The following PDE1C variants were observed in gnomAD, a reference collection of about 807,000 sequenced individuals.
PDE1C encodes phosphodiesterase 1C.
In PDE1C, 62 loss-of-function variants were observed where a neutral mutation model predicts 93.1. The observed-to-expected ratio is 0.67, with a 90% CI of 0.54 to 0.82. PDE1C has a LOEUF of 0.82. Among genes scored for constraint, PDE1C ranks in the 40% least tolerant of loss-of-function variants. The pLI is 0.00. For synonymous variants in PDE1C, 325 were observed against 310.1 expected, an observed-to-expected ratio of 1.05 and a Z score of -0.50; for missense variants, 742 against 884.6, an observed-to-expected ratio of 0.84 and a Z score of 2.04.
intron 7 of PDE1C, among the ~76,000 whole-genome samples, chr7:31,852,611 T>G (rs1199778790): frequency 6.6e-6 from 1 of 152,096 alleles, no homozygotes; most frequent in Non-Finnish European, 1.5e-5. Flanking sequence ...ATAGGTACTG[T>G]TGCTATCCCC....
chr7:31,650,006 A>T, the PDE1C span, among the ~76,000 whole-genome samples: 141 of 152,188 alleles, frequency 9.3e-4, no homozygotes, highest in Middle Eastern at 3.4e-3. Flanking sequence ...AATCACAAAG[A>T]ATTGGTCCAT....
At chr7:32,081,385 C>A (rs981632376) in intron 3 of PDE1C, among the ~76,000 whole-genome samples, 2 of 152,188 alleles carry the variant, frequency 1.3e-5, no homozygotes, top group African/African-American at 4.8e-5. Flanking sequence ...ACTTTCCCTC[C>A]CCTACCTAGG....
intron 1 of PDE1C, among the ~76,000 whole-genome samples, chr7:32,419,584 A>G (rs1382368255): frequency 6.6e-6 from 1 of 152,154 alleles, no homozygotes; most frequent in African/African-American, 2.4e-5. Context: ...GGCTCCTGCT[A>G]CTTCTAGACT....
chr7:31,842,367 T>A (rs529250126), intron 9 of PDE1C, among the ~76,000 whole-genome samples: 1 of 152,136 alleles, frequency 6.6e-6, no homozygotes, highest in African/African-American at 2.4e-5. Context: ...AAGATTGGTA[T>A]TATCTGTTCT....
intron 2 of PDE1C, among the ~76,000 whole-genome samples, chr7:31,901,986 T>G (rs980249254): frequency 6.6e-6 from 1 of 150,668 alleles, no homozygotes; most frequent in Non-Finnish European, 1.5e-5. Flanking sequence ...AAGATTTAAA[T>G]GTAGAAAAGT....
the PDE1C span, among the ~76,000 whole-genome samples, chr7:31,646,001 A>G: frequency 6.6e-6 from 1 of 152,204 alleles, no homozygotes; most frequent in East Asian, 1.9e-4. Context: ...TATGGGGGAA[A>G]ATATTAAATC....
At chr7:31,937,138 G>A (rs1805196304) in intron 2 of PDE1C, among the ~76,000 whole-genome samples, 1 of 152,094 alleles carries the variant, frequency 6.6e-6, no homozygotes, top group Admixed American at 6.6e-5. Context: ...AAGCCTCCCT[G>A]TAGAAGGCTT....
chr7:31,925,039 C>CTG (rs70989622), intron 2 of PDE1C, among the ~76,000 whole-genome samples: 335 of 135,382 alleles, frequency 2.5e-3, no homozygotes, highest in East Asian at 8.7e-3. Context: ...GTAGACATTT[C>CTG]TGTGTGTGTG....
rs868443430 is a variant in PDE1C at position 31,873,191 on chromosome 7, G to C, written c.609+101C>G. 26 of 716,624 alleles carry C rather than the reference G, an allele frequency of 3.6e-5. No homozygotes were observed. The African/African-American group carries it at 4.0e-4, about 11-fold the overall frequency. 44.4% of individuals were successfully genotyped at this position (716,624 alleles called of 1,614,324 possible). A position where few individuals can be genotyped will look rare whatever the true frequency, so the allele number is the denominator to read the frequency against. ...GATGCTTCCTCAGTCGCCTGGAGCA[G>C]TTTTCATTCCGCATATTAAAATAGT... On this transcript the variant is annotated intron_variant, in intron 6 of 17. Coordinates refer to ENST00000396191, the MANE Select transcript of PDE1C (RefSeq NM_001191057.4).
In PDE1C at chr7:32,092,136, C is replaced by A. The variant is rs571851623; in HGVS notation, c.308+77649G>T. 2.5e-4 allele frequency among the ~76,000 whole-genome samples: 38 copies of A among 150,708 alleles called. No homozygotes were observed. The South Asian group carries it at 8.1e-3, about 32-fold the overall frequency. ...TGAGAGAAACAATAAGATGTTTTGC[C>A]ATTTCCAAAGATGTTTCCTTTTGTT... On this transcript the variant is annotated intron_variant, in intron 3 of 18. Transcript: ENST00000396193.
At chr7:31,672,019 AT>A in the PDE1C span, among the ~76,000 whole-genome samples, 1 of 152,088 alleles carries the variant, frequency 6.6e-6, no homozygotes, top group Non-Finnish European at 1.5e-5. Context: ...TGAAAACCCC[AT>A]TTGGGAATTT....
At chr7:32,153,143 C>G (rs1427825204) in intron 3 of PDE1C, among the ~76,000 whole-genome samples, 1 of 152,202 alleles carries the variant, frequency 6.6e-6, no homozygotes, top group Non-Finnish European at 1.5e-5. Context: ...TTGAAAGCTT[C>G]TACAGATCAC....
intron 3 of PDE1C, among the ~76,000 whole-genome samples, chr7:32,086,764 C>T (rs545450946): frequency 2.0e-5 from 3 of 152,226 alleles, no homozygotes; most frequent in Non-Finnish European, 4.4e-5. Context: ...AAAGGATTCC[C>T]GATTTAATAA....
intron 2 of PDE1C, among the ~76,000 whole-genome samples, chr7:32,021,009 A>C (rs1353642464): frequency 6.6e-6 from 1 of 152,158 alleles, no homozygotes; most frequent in Non-Finnish European, 1.5e-5. Context: ...CAGTGCTAGC[A>C]TATGAGGTAG....
intron 2 of PDE1C, among the ~76,000 whole-genome samples, chr7:31,902,911 T>C (rs2128923392): frequency 6.6e-6 from 1 of 151,826 alleles, no homozygotes; most frequent in East Asian, 1.9e-4. Context: ...ACATAATAGA[T>C]CTGTCCTAGT....
intron 1 of PDE1C, among the ~76,000 whole-genome samples, chr7:32,420,146 C>T (rs559517037): frequency 0.1 from 3,543 of 34,800 alleles, 667 homozygotes; most frequent in Admixed American, 0.17. Flanking sequence ...CACACACACA[C>T]ACACACACAC....
At chr7:31,995,916 A>G (rs1784660390) in intron 2 of PDE1C, among the ~76,000 whole-genome samples, 2 of 152,142 alleles carry the variant, frequency 1.3e-5, no homozygotes, top group Non-Finnish European at 2.9e-5. Flanking sequence ...CTGCCTATTT[A>G]GAGAGTAGAA....
chr7:32,148,761 G>C (rs1420183068), intron 3 of PDE1C, among the ~76,000 whole-genome samples: 1 of 152,194 alleles, frequency 6.6e-6, no homozygotes, highest in Non-Finnish European at 1.5e-5. Context: ...TTTGCACATA[G>C]TTATTACTCT....
At chr7:31,651,945 G>C in the PDE1C span, 1 of 1,592,238 alleles carries the variant, frequency 6.3e-7, no homozygotes, top group African/African-American at 1.3e-5. Context: ...GCAGGGAGGA[G>C]GCCGAGCAAC....
Sources: gnomAD v4.1 joint callset for allele counts (sites outside exome capture counted in the v4.1 genomes callset) on GRCh38, gnomAD v4.1.1 for gene constraint, MANE v1.5 for transcripts, NCBI Gene and HGNC (gene_info 2026-07-23, HGNC 2026-07-21) for gene names.